The following PARD6G variants were observed in gnomAD, a reference collection of about 807,000 sequenced individuals.
PARD6G encodes par-6 family cell polarity regulator gamma.
Under a neutral mutation model 10.7 loss-of-function variants are expected in PARD6G, and 7 were observed. The observed-to-expected ratio is 0.66, with a 90% CI of 0.37 to 1.23. PARD6G has a LOEUF of 1.23. PARD6G is among the 50% of genes most tolerant of loss of function. The pLI, the probability that PARD6G is intolerant of heterozygous loss-of-function variation, is 0.02. For synonymous variants in PARD6G, 287 were observed against 269.4 expected (o/e 1.07, Z -0.64); for missense variants, 548 against 571.8 (o/e 0.96, Z 0.42).
intron 2 of PARD6G, among the ~76,000 whole-genome samples, chr18:80,165,464 A>T (rs535289205): frequency 4.7e-4 from 71 of 151,220 alleles, no homozygotes; most frequent in African/African-American, 1.7e-3. Flanking sequence ...CATATTGTTC[A>T]AACACATGTT....
At chr18:80,210,110 T>C (rs1967093425) in intron 1 of PARD6G, among the ~76,000 whole-genome samples, 1 of 152,046 alleles carries the variant, frequency 6.6e-6, no homozygotes, top group Non-Finnish European at 1.5e-5. Flanking sequence ...TCTTGGTCAA[T>C]AAGCAAGGAG....
intron 1 of PARD6G, among the ~76,000 whole-genome samples, chr18:80,225,559 C>A (rs1054319205): frequency 6.6e-6 from 1 of 152,224 alleles, no homozygotes; most frequent in Non-Finnish European, 1.5e-5. Flanking sequence ...CTCACCTCCC[C>A]CTTCAGGCTG....
At chr18:80,179,444 G>C (rs542654592) in intron 2 of PARD6G, among the ~76,000 whole-genome samples, 1 of 152,094 alleles carries the variant, frequency 6.6e-6, no homozygotes, top group South Asian at 2.1e-4. Flanking sequence ...TGCCCTCAGC[G>C]GGCCACTGGC....
chr18:80,205,609 CCT>C (rs1048896556), intron 1 of PARD6G, among the ~76,000 whole-genome samples: 5 of 152,150 alleles, frequency 3.3e-5, no homozygotes, highest in Non-Finnish European at 5.9e-5. Flanking sequence ...GCACCTTCCC[CCT>C]CTTTTAGTCC....
In PARD6G at chr18:80,201,692, G is replaced by A. The variant is rs777183012; in HGVS notation, c.295+1018C>T. Among the ~76,000 whole-genome samples, 35 of 152,266 alleles carry A rather than the reference G, an allele frequency of 2.3e-4. No individual in the cohort carries two copies. The highest frequency in any genetic ancestry group is 2.1e-4 in the Non-Finnish European group (14 of 68,042). ...GCCATAGCTAGTATTTACAGAGCAG[G>A]GACGAGGAGCTGGCAGCACGCTGCT... On this transcript the variant is annotated intron_variant, in intron 2 of 2. Coordinates refer to ENST00000353265, the MANE Select transcript of PARD6G (RefSeq NM_032510.4). The surrounding 1 kb of genome is among the most constrained non-coding windows in gnomAD (Gnocchi z 5.9).
intron 2 of PARD6G, among the ~76,000 whole-genome samples, chr18:80,195,489 AG>A (rs1966942858): frequency 6.9e-6 from 1 of 145,840 alleles, no homozygotes; most frequent in Non-Finnish European, 1.5e-5. Context: ...GCAGCATTCA[AG>A]AGGGAAAATT....
intron 1 of PARD6G, among the ~76,000 whole-genome samples, chr18:80,222,123 C>T: frequency 6.6e-6 from 1 of 151,856 alleles, no homozygotes; most frequent in East Asian, 1.9e-4. Context: ...CTTGCTCTGT[C>T]ACCCAGGCTG....
chr18:80,246,001 C>T lies in PARD6G; in HGVS notation c.72+1276G>A, dbSNP rs1178236452. On this transcript the variant is annotated intron_variant, in intron 1 of 2. Transcript: ENST00000353265. The surrounding 1 kb of genome is among the most constrained non-coding windows in gnomAD (Gnocchi z 6.7). ...GCCATGCTGTTGCTGGGACACCTCC[C>T]CGCCTCAATCCTCTGCAGACACCCT... 1.3e-5 allele frequency among the ~76,000 whole-genome samples: 2 copies of T among 152,132 alleles called. No individual in the cohort carries two copies. Among genetic ancestry groups the T allele is most frequent in the African/African-American group, 4.8e-5 (2 of 41,428 alleles).
At chr18:80,216,061 T>C (rs1356723935) in intron 1 of PARD6G, among the ~76,000 whole-genome samples, 2 of 152,030 alleles carry the variant, frequency 1.3e-5, no homozygotes, top group East Asian at 3.8e-4. Context: ...CAGGAAGACA[T>C]AACAATTATA....
At position 80,180,006 on chromosome 18, in the gene PARD6G, G is replaced by A. The variant is rs1262746951; in HGVS notation, c.296-19400C>T. 3.9e-5 allele frequency among the ~76,000 whole-genome samples: 6 copies of A among 152,258 alleles called. No individual in the cohort carries two copies. Among genetic ancestry groups the A allele is most frequent in the African/African-American group, 1.4e-4 (6 of 41,466 alleles). On this transcript the variant is annotated intron_variant, in intron 2 of 2. Transcript: ENST00000353265. This position sits in a 1 kb window ranked among gnomAD's most constrained non-coding sequence, Gnocchi z 5.6. ...CGTAGCTGGTCTCACCTCTGTCTAGGGGGGCAGAGCCTGACGGGAACGCCC... is the reference window on the plus strand; with the variant it reads ...CGTAGCTGGTCTCACCTCTGTCTAGAGGGGCAGAGCCTGACGGGAACGCCC...
chr18:80,220,976 A>T (rs1434241640), intron 1 of PARD6G, among the ~76,000 whole-genome samples: 2 of 152,210 alleles, frequency 1.3e-5, no homozygotes, highest in Admixed American at 6.5e-5. Context: ...GATGAAATGG[A>T]CTGATTCCTA....
intron 2 of PARD6G, among the ~76,000 whole-genome samples, chr18:80,185,271 A>AGGGTCT (rs1470747346): frequency 1.3e-5 from 2 of 151,866 alleles, no homozygotes; most frequent in Non-Finnish European, 2.9e-5. Context: ...CATACAGGTG[A>AGGGTCT]CACACTCACA....
intron 2 of PARD6G, among the ~76,000 whole-genome samples, chr18:80,177,330 G>GCA (rs1019259888): frequency 6.6e-5 from 8 of 120,808 alleles, no homozygotes; most frequent in South Asian, 2.8e-4. Context: ...AATGGGAAGC[G>GCA]CACACACACA....
Position 80,161,641 on chromosome 18 carries a change from G to A in PARD6G, c.296-1035C>T, listed in dbSNP as rs995676029. 2 of 152,122 alleles carry A rather than the reference G, an allele frequency of 1.3e-5. No homozygotes were observed. The highest frequency in any genetic ancestry group is 6.5e-5 in the Admixed American group (1 of 15,272). 9.4% of individuals were successfully genotyped at this position (152,122 alleles called of 1,614,324 possible). A position where few individuals can be genotyped will look rare whatever the true frequency, so the allele number is the denominator to read the frequency against. On this transcript the variant is annotated intron_variant, in intron 2 of 2. Transcript: ENST00000353265. This position sits in a 1 kb window ranked among gnomAD's most constrained non-coding sequence, Gnocchi z 4.6. Reference sequence around the variant, plus strand: ...ACACACACGACTCTGTAAGACAGGCGTCTCGGGGAGCAGAGGGAAGGGCTT... The same window carrying A: ...ACACACACGACTCTGTAAGACAGGCATCTCGGGGAGCAGAGGGAAGGGCTT...
intron 1 of PARD6G, among the ~76,000 whole-genome samples, chr18:80,241,486 G>A (rs1041970059): frequency 1.4e-5 from 2 of 144,922 alleles, no homozygotes; most frequent in Non-Finnish European, 2.9e-5. Context: ...CCTGGCCCAC[G>A]TTACAGTATT....
At position 80,192,310 on chromosome 18, in the gene PARD6G, C is replaced by G. The variant is rs577386984; in HGVS notation, c.295+10400G>C. 6.6e-6 allele frequency among the ~76,000 whole-genome samples: 1 copy of G among 152,352 alleles called. No homozygotes were observed. Among genetic ancestry groups the G allele is most frequent in the South Asian group, 2.1e-4 (1 of 4,830 alleles). ...GCAGAGGGGCCTTCTGGCCTCAGCT[C>G]CAGCTCAAGGGGGTCTTGTTTAGCT... On this transcript the variant is annotated intron_variant, in intron 2 of 2. Transcript: ENST00000353265. The surrounding 1 kb of genome is among the most constrained non-coding windows in gnomAD (Gnocchi z 4.9).
Position 80,179,245 on chromosome 18 carries a change from T to C in PARD6G, c.296-18639A>G, listed in dbSNP as rs536285207. ...GTCATTTTTTTTTTTTTTTTCAAAC[T>C]GGAGGGGAACGTTTTTCCTTGGTAA... On this transcript the variant is annotated intron_variant, in intron 2 of 2. Transcript: ENST00000353265. Among the ~76,000 whole-genome samples the C allele has an allele frequency of 1.0e-4, 15 of 146,060 alleles. No individual in the cohort carries two copies. In the East Asian group the frequency reaches 3.0e-3, roughly 30 times the overall value.
At chr18:80,196,735 T>A (rs1220273971) in intron 2 of PARD6G, among the ~76,000 whole-genome samples, 3 of 152,034 alleles carry the variant, frequency 2.0e-5, no homozygotes, top group Non-Finnish European at 4.4e-5. Context: ...CCTGGATTCT[T>A]CTGGAGGGGG....
chr18:80,190,340 G>A (rs1966885994), intron 2 of PARD6G, among the ~76,000 whole-genome samples: 2 of 152,210 alleles, frequency 1.3e-5, no homozygotes, highest in South Asian at 4.1e-4. Flanking sequence ...AAAGCCTCCT[G>A]GGATGGGCAA....
Sources: allele counts gnomAD v4.1 joint callset (sites outside exome capture counted in the v4.1 genomes callset), GRCh38; gene constraint gnomAD v4.1.1; non-coding constraint Gnocchi (gnomAD v3.1); transcripts MANE v1.5; gene names NCBI Gene and HGNC (gene_info 2026-07-23, HGNC 2026-07-21).